The following CSMD2 variants were observed in gnomAD, a reference collection of about 807,000 sequenced individuals.
CSMD2 encodes CUB and sushi domain-containing protein 2.
CSMD2 carries 130 observed loss-of-function variants against 398.5 expected under a neutral mutation model. That is an observed-to-expected ratio of 0.33 (90% confidence interval 0.28 to 0.38). CSMD2 has a LOEUF of 0.38. Among genes scored for constraint, CSMD2 ranks in the 10% least tolerant of loss-of-function variants. The pLI is 1.00. For missense variants in CSMD2, 3,829 were observed against 4,764.9 expected, an observed-to-expected ratio of 0.80 and a Z score of 5.78; for synonymous variants, 1,828 against 1,908.5, an observed-to-expected ratio of 0.96 and a Z score of 1.10.
At chr1:33,692,028 G>A (rs1019470721) in intron 25 of CSMD2, among the ~76,000 whole-genome samples, 8 of 152,182 alleles carry the variant, frequency 5.3e-5, no homozygotes, top group African/African-American at 1.9e-4. Context: ...TCAGAGTTTT[G>A]ATTCCCTGTG....
At chr1:33,572,729 A>T (rs769762817) in intron 49 of CSMD2, 38 bp from the exon 50 acceptor site, 7 of 1,518,424 alleles carry the variant, frequency 4.6e-6, no homozygotes, top group Non-Finnish European at 6.3e-6. Context: ...CATTTGTTTT[A>T]AGATGGTATT....
chr1:34,145,817 G>T (rs1639717344), intron 1 of CSMD2, among the ~76,000 whole-genome samples: 1 of 152,178 alleles, frequency 6.6e-6, no homozygotes, highest in South Asian at 2.1e-4. Context: ...CAAGGGACCA[G>T]ACGCCTGTTC....
At chr1:33,628,802 C>T (rs549089229) in intron 32 of CSMD2, among the ~76,000 whole-genome samples, 29 of 152,068 alleles carry the variant, frequency 1.9e-4, no homozygotes, top group Non-Finnish European at 3.8e-4. Flanking sequence ...TCCCAGTGGG[C>T]TTTTTAATTA....
chr1:33,556,087 A>G (rs1249869348), intron 55 of CSMD2, among the ~76,000 whole-genome samples: 1 of 152,330 alleles, frequency 6.6e-6, no homozygotes, highest in Middle Eastern at 3.4e-3. Flanking sequence ...TTAGAAGAGG[A>G]GCCTGAATAT....
chr1:33,714,566 T>G (rs1259750288), intron 21 of CSMD2, 21 bp downstream of exon 21: 1 of 1,611,186 alleles, frequency 6.2e-7, no homozygotes. Flanking sequence ...TGAAGCAAAA[T>G]GAAAGCACGT....
At chr1:33,939,156 C>T (rs1220871238) in intron 3 of CSMD2, among the ~76,000 whole-genome samples, 1 of 152,030 alleles carries the variant, frequency 6.6e-6, no homozygotes, top group South Asian at 2.1e-4. Flanking sequence ...TTCCCATGAT[C>T]CCACACTACT....
chr1:33,968,541 A>G (rs1254078157), intron 3 of CSMD2, among the ~76,000 whole-genome samples: 2 of 152,238 alleles, frequency 1.3e-5, no homozygotes, highest in East Asian at 3.8e-4. Context: ...GGAAGGGTCC[A>G]TGTTGGAGAT....
chr1:33,652,259 C>T (rs1643797720), intron 28 of CSMD2, 64 bp downstream of exon 28: 3 of 1,565,270 alleles, frequency 1.9e-6, no homozygotes, highest in Middle Eastern at 1.7e-4. Context: ...ACCTGGAGAC[C>T]CAGGTCCCAG....
At chr1:33,612,670 A>G (rs1641087322) in intron 40 of CSMD2, among the ~76,000 whole-genome samples, 1 of 146,160 alleles carries the variant, frequency 6.8e-6, no homozygotes, top group South Asian at 2.2e-4. Flanking sequence ...AGTTGCAGAT[A>G]ATTTTGTGAT....
intron 1 of CSMD2, among the ~76,000 whole-genome samples, chr1:34,128,086 G>A (rs1247276800): frequency 2.0e-5 from 3 of 151,992 alleles, no homozygotes; most frequent in Admixed American, 1.3e-4. Context: ...CGGCCTCACC[G>A]ACGCCCTGAC....
intron 3 of CSMD2, among the ~76,000 whole-genome samples, chr1:34,005,105 C>A (rs1647017276): frequency 6.6e-6 from 1 of 152,190 alleles, no homozygotes; most frequent in Non-Finnish European, 1.5e-5. Context: ...AAGAAAGTGA[C>A]CTCTCAATAA....
At chr1:33,916,026 A>T (rs1188725302) in intron 5 of CSMD2, among the ~76,000 whole-genome samples, 2 of 152,220 alleles carry the variant, frequency 1.3e-5, no homozygotes, top group African/African-American at 4.8e-5. Context: ...ATTTTTATGA[A>T]GATGAAATGA....
Position 33,901,854 on chromosome 1 carries a change from G to A in CSMD2, c.920+16240C>T, listed in dbSNP as rs181402512. Among the ~76,000 whole-genome samples the A allele has an allele frequency of 1.1e-4, 17 of 152,248 alleles. No individual in the cohort carries two copies. In the South Asian group the frequency reaches 2.7e-3, roughly 24 times the overall value. On this transcript the variant is annotated intron_variant, in intron 5 of 70. Transcript: ENST00000373381. ...GCATAAGCCATAACCAAACCTATAC[G>A]TCAAACATAACTGGGGAGAAATTCA...
At chr1:33,968,083 T>C (rs533803459) in intron 3 of CSMD2, among the ~76,000 whole-genome samples, 2 of 152,164 alleles carry the variant, frequency 1.3e-5, no homozygotes, top group Non-Finnish European at 2.9e-5. Context: ...GTCTCCTCTT[T>C]AGGAGGAAGA....
intron 2 of CSMD2, among the ~76,000 whole-genome samples, chr1:34,076,467 C>A (rs760119528): frequency 6.6e-6 from 1 of 152,198 alleles, no homozygotes; most frequent in Non-Finnish European, 1.5e-5. Context: ...TTAGCAGAAT[C>A]CCTGGCCTCA....
chr1:33,997,783 G>A (rs1238467174), intron 3 of CSMD2, among the ~76,000 whole-genome samples: 1 of 152,188 alleles, frequency 6.6e-6, no homozygotes, highest in Non-Finnish European at 1.5e-5. Context: ...TAGCTAGGAT[G>A]AAATGCGAGG....
At chr1:33,577,096 T>C (rs1327400323) in intron 49 of CSMD2, among the ~76,000 whole-genome samples, 200 bp downstream of exon 49, 1 of 152,198 alleles carries the variant, frequency 6.6e-6, no homozygotes, top group Non-Finnish European at 1.5e-5. Flanking sequence ...TTTGCATTGA[T>C]GTGCTCACAT....
Position 33,533,999 on chromosome 1 carries a change from C to A in CSMD2, c.9880-92G>T, listed in dbSNP as rs1532306. 0.2 allele frequency: 147,962 copies of A among 723,518 alleles called. 16,766 individuals carry two copies. Among genetic ancestry groups the A allele is most frequent in the East Asian group, 0.33 (12,436 of 37,352 alleles). 44.8% of individuals were successfully genotyped at this position (723,518 alleles called of 1,614,324 possible). A position where few individuals can be genotyped will look rare whatever the true frequency, so the allele number is the denominator to read the frequency against. ...ACCACTTTCACATGGCCCAACTCCT[C>A]CCGCACTGTTGCCTGCAAAACTCTT... On this transcript the variant is annotated intron_variant, in intron 62 of 70. Coordinates refer to ENST00000373381, the MANE Select transcript of CSMD2 (RefSeq NM_001281956.2). The surrounding 1 kb of genome is among the most constrained non-coding windows in gnomAD (Gnocchi z 4.2).
chr1:33,673,873 G>A (rs1183053315), intron 25 of CSMD2, among the ~76,000 whole-genome samples: 4 of 152,206 alleles, frequency 2.6e-5, no homozygotes, highest in Admixed American at 6.5e-5. Flanking sequence ...CTTCATAAGT[G>A]AAGGAGAAAT....
Sources: gnomAD v4.1 joint callset for allele counts (sites outside exome capture counted in the v4.1 genomes callset) on GRCh38, gnomAD v4.1.1 for gene constraint, Gnocchi (gnomAD v3.1) non-coding constraint, MANE v1.5 for transcripts, NCBI Gene and HGNC (gene_info 2026-07-23, HGNC 2026-07-21) for gene names.